The following PCDHGC3 variants were observed in gnomAD, a reference collection of about 807,000 sequenced individuals.
PCDHGC3 encodes protocadherin gamma subfamily C, 3.
A neutral mutation model predicts 59.2 loss-of-function variants in PCDHGC3; 26 were observed. That is an observed-to-expected ratio of 0.44 (90% CI 0.32 to 0.61). The LOEUF (loss-of-function observed/expected upper bound fraction) is 0.61, where lower values mean the gene tolerates loss of function less well. Ranked by LOEUF, PCDHGC3 falls within the 20% of genes least tolerant of loss-of-function variation. PCDHGC3 has a pLI of 0.05. For synonymous variants in PCDHGC3, 487 were observed against 519.7 expected (o/e 0.94, Z 0.86); for missense variants, 1,080 against 1,221.8 (o/e 0.88, Z 1.73).
At position 141,485,681 on chromosome 5, in the gene PCDHGC3, T is replaced by A; in HGVS notation, c.2430+7135T>A. The A allele has an allele frequency of 6.2e-7, 1 of 1,614,074 alleles. No homozygotes were observed. The highest frequency in any genetic ancestry group is 8.5e-7 in the Non-Finnish European group (1 of 1,179,966). ...TGTGGGGAGCAATTCGATTAGCAGC[T>A]ATAGGCTGAGCTCCAATGAACACTT... On this transcript the variant is annotated intron_variant, in intron 1 of 3. Transcript: ENST00000308177. The surrounding 1 kb of genome is among the most constrained non-coding windows in gnomAD (Gnocchi z 5.7).
chr5:141,494,914 A>G (rs906245656), intron 2 of PCDHGC3, 49 bp downstream of exon 2: 5 of 1,613,708 alleles, frequency 3.1e-6, no homozygotes, highest in Admixed American at 1.7e-5. Context: ...GCATTTTCTC[A>G]GGGATGACGT....
Position 141,476,140 on chromosome 5 carries a change from C to G in PCDHGC3, c.24C>G (p.Ser8Arg). The change falls in exon 1 of 4, where the codon AGC (serine) becomes AGG (arginine). Residue 8 changes from serine to arginine, a missense_variant. Coordinates refer to ENST00000308177, the MANE Select transcript of PCDHGC3 (RefSeq NM_002588.4). This position sits in a 1 kb window ranked among gnomAD's most constrained non-coding sequence, Gnocchi z 7.6. ...AGATGGTCCCAGAGGCCTGGAGGAGCGGACTGGTAAGCACCGGGAGGGTAG... is the reference window on the plus strand; with the variant it reads ...AGATGGTCCCAGAGGCCTGGAGGAGGGGACTGGTAAGCACCGGGAGGGTAG... Reference protein sequence around the residue: MVPEAWRSGLVSTGRVVG... With the variant: MVPEAWRRGLVSTGRVVG... The G allele has an allele frequency of 2.5e-6, 4 of 1,609,222 alleles. No individual in the cohort carries two copies. Among genetic ancestry groups the G allele is most frequent in the Non-Finnish European group, 1.7e-6 (2 of 1,178,484 alleles).
At chr5:141,502,082 G>A (rs538827992) in intron 2 of PCDHGC3, among the ~76,000 whole-genome samples, 1 of 152,252 alleles carries the variant, frequency 6.6e-6, no homozygotes, top group Non-Finnish European at 1.5e-5. Flanking sequence ...ACCTGGGGCT[G>A]AGAACACCTG....
At position 141,491,410 on chromosome 5, in the gene PCDHGC3, G is replaced by A. The variant is rs777207581; in HGVS notation, c.2431-3397G>A. The A allele has an allele frequency of 1.9e-6, 3 of 1,614,024 alleles. No homozygotes were observed. Among genetic ancestry groups the A allele is most frequent in the Admixed American group, 1.7e-5 (1 of 60,006 alleles). ...GTGCCTTCAGGGAAACGCAGACGGGGACGGGGGTGGAGGGCAGTGCTGCAG... is the reference window on the plus strand; with the variant it reads ...GTGCCTTCAGGGAAACGCAGACGGGAACGGGGGTGGAGGGCAGTGCTGCAG... On this transcript the variant is annotated intron_variant, in intron 1 of 3. Transcript: ENST00000308177. The surrounding 1 kb of genome is among the most constrained non-coding windows in gnomAD (Gnocchi z 6.9).
At chr5:141,494,648 T>G in intron 1 of PCDHGC3, 159 bp from the exon 2 acceptor site, 1 of 946,506 alleles carries the variant, frequency 1.1e-6, no homozygotes, top group Non-Finnish European at 1.3e-6. Flanking sequence ...ACCTGAGGTG[T>G]ATTTTGTCTT....
chr5:141,492,460 G>T (rs2099740851), intron 1 of PCDHGC3, among the ~76,000 whole-genome samples: 1 of 152,218 alleles, frequency 6.6e-6, no homozygotes, highest in African/African-American at 2.4e-5. Flanking sequence ...GCGCGCCTGA[G>T]GGTCCCAGAT....
At chr5:141,508,124 G>C (rs1248096612) in intron 3 of PCDHGC3, 1 of 152,640 alleles carries the variant, frequency 6.6e-6, no homozygotes, top group Non-Finnish European at 1.5e-5. Flanking sequence ...AGGACAGAGG[G>C]AGGTCAGGGA....
At position 141,476,752 on chromosome 5, in the gene PCDHGC3, A is replaced by C. The variant is rs771355583; in HGVS notation, c.636A>C (p.Leu212Phe). The C allele has an allele frequency of 6.2e-7, 1 of 1,613,926 alleles. No homozygotes were observed. The highest frequency in any genetic ancestry group is 1.1e-5 in the South Asian group (1 of 91,080). Reference sequence around the variant, plus strand: ...GAGAACGGGAGCCTAGTCTCCAGTTAGTGCTGACGGCGTTGGACGGAGGGA... The same window carrying C: ...GAGAACGGGAGCCTAGTCTCCAGTTCGTGCTGACGGCGTTGGACGGAGGGA... ...LDREREPSLQ[L>F]VLTALDGGTP... is the part of the protein sequence containing the mutation. Residue 212 changes from leucine to phenylalanine, a missense_variant, in exon 1 of 4, where the codon TTA becomes TTC. Physicochemically the swap from Leu to Phe is conservative, Grantham distance 22. Transcript: ENST00000308177. The surrounding 1 kb of genome is among the most constrained non-coding windows in gnomAD (Gnocchi z 7.6).
rs1562131721 is a variant in PCDHGC3, at chr5:141,489,636, C to CGAGA, written c.2431-5171_2431-5170insGAGA. 10 of 1,614,074 alleles carry CGAGA rather than the reference C, an allele frequency of 6.2e-6. No individual in the cohort carries two copies. The highest frequency in any genetic ancestry group is 2.7e-5 in the African/African-American group (2 of 74,930). On this transcript the variant is annotated intron_variant, in intron 1 of 3. Coordinates refer to ENST00000308177, the MANE Select transcript of PCDHGC3 (RefSeq NM_002588.4). This position sits in a 1 kb window ranked among gnomAD's most constrained non-coding sequence, Gnocchi z 4.5. ...TGGATCTCAATGACAACTCTCCTAG[C>CGAGA]TTTGCCACCCCTGAGCGAGAGATGC...
Position 141,489,169 on chromosome 5 carries a change from C to T in PCDHGC3, c.2431-5638C>T. On this transcript the variant is annotated intron_variant, in intron 1 of 3. Coordinates refer to ENST00000308177, the MANE Select transcript of PCDHGC3 (RefSeq NM_002588.4). This position sits in a 1 kb window ranked among gnomAD's most constrained non-coding sequence, Gnocchi z 4.5. ...GAGACATAAGAGACTTCAGCTGCTG[C>T]ATTCCAAGCCCTGGGTCTACCTTGG... 3 of 1,124,648 alleles carry T rather than the reference C, an allele frequency of 2.7e-6. No individual in the cohort carries two copies. The highest frequency in any genetic ancestry group is 3.8e-6 in the Non-Finnish European group (3 of 783,910). The allele number at this position is 1,124,648 out of a possible 1,614,324, so 69.7% of individuals were successfully genotyped here. A position where few individuals can be genotyped will look rare whatever the true frequency, so the allele number is the denominator to read the frequency against.
At chr5:141,495,697 A>G (rs1010733016) in intron 2 of PCDHGC3, among the ~76,000 whole-genome samples, 1 of 152,086 alleles carries the variant, frequency 6.6e-6, no homozygotes, top group Non-Finnish European at 1.5e-5. Flanking sequence ...AGTGCTCAAT[A>G]AATGTGGAGT....
chr5:141,476,190 C>T lies in PCDHGC3; in HGVS notation c.74C>T (p.Ala25Val). The change falls in exon 1 of 4, where the codon GCC becomes GTC. Residue 25 changes from alanine (A) to valine (V), a missense_variant. Physicochemically the swap from Ala to Val is moderately conservative, Grantham distance 64. Transcript: ENST00000308177. The surrounding 1 kb of genome is among the most constrained non-coding windows in gnomAD (Gnocchi z 7.6). ...GTGGGAGTTTTGCTTCTGCTTGGTG[C>T]CTTGAACAAGGCTTCCACGGTCATT... is the stretch of plus-strand genomic sequence containing the variant. Reference protein sequence around the residue: ...RVVGVLLLLGALNKASTVIHY... With the variant: ...RVVGVLLLLGVLNKASTVIHY... 3.1e-6 allele frequency: 5 copies of T among 1,613,694 alleles called. No individual in the cohort carries two copies. The highest frequency in any genetic ancestry group is 4.2e-6 in the Non-Finnish European group (5 of 1,179,988).
chr5:141,487,029 T>C lies in PCDHGC3; in HGVS notation c.2431-7778T>C. 1.2e-6 allele frequency: 2 copies of C among 1,614,226 alleles called. No individual in the cohort carries two copies. Among genetic ancestry groups the C allele is most frequent in the Non-Finnish European group, 1.7e-6 (2 of 1,180,040 alleles). ...CTGGAGGCCCCAGATCCCAGCCTGT[T>C]TGCAGTCTCTCGATATGCTGGGGAG... is the stretch of plus-strand genomic sequence containing the variant. On this transcript the variant is annotated intron_variant, in intron 1 of 3. Coordinates refer to ENST00000308177, the MANE Select transcript of PCDHGC3 (RefSeq NM_002588.4). The surrounding 1 kb of genome is among the most constrained non-coding windows in gnomAD (Gnocchi z 5.0).
At position 141,486,761 on chromosome 5, in the gene PCDHGC3, A is replaced by G. The variant is rs1368106682; in HGVS notation, c.2431-8046A>G. 1 of 1,614,114 alleles carries G rather than the reference A, an allele frequency of 6.2e-7. No homozygotes were observed. The highest frequency in any genetic ancestry group is 8.5e-7 in the Non-Finnish European group (1 of 1,180,056). ...ATCCTTTGACTATGAGCAAACCCAG[A>G]CACTGCAGTTTGAGGTGCAGGCCCG... On this transcript the variant is annotated intron_variant, in intron 1 of 3. Transcript: ENST00000308177. The surrounding 1 kb of genome is among the most constrained non-coding windows in gnomAD (Gnocchi z 5.0).
In PCDHGC3 at chr5:141,486,110, G is replaced by A. The variant is rs780031943; in HGVS notation, c.2430+7564G>A. 1.2e-6 allele frequency: 2 copies of A among 1,614,162 alleles called. No individual in the cohort carries two copies. Among genetic ancestry groups the A allele is most frequent in the South Asian group, 1.1e-5 (1 of 91,078 alleles). On this transcript the variant is annotated intron_variant, in intron 1 of 3. Transcript: ENST00000308177. This position sits in a 1 kb window ranked among gnomAD's most constrained non-coding sequence, Gnocchi z 5.0. ...TTTGGGGCCCCTAGACTTTGAGAGT[G>A]AGAATTACTATGAATTTGATGTGCG...
At chr5:141,498,826 A>G (rs1186868890) in intron 2 of PCDHGC3, among the ~76,000 whole-genome samples, 1 of 152,006 alleles carries the variant, frequency 6.6e-6, no homozygotes, top group African/African-American at 2.4e-5. Context: ...CCAGCTACTC[A>G]GGAGGCTGAG....
chr5:141,491,479 C>T lies in PCDHGC3; in HGVS notation c.2431-3328C>T. On this transcript the variant is annotated intron_variant, in intron 1 of 3. Transcript: ENST00000308177. The surrounding 1 kb of genome is among the most constrained non-coding windows in gnomAD (Gnocchi z 6.9). ...CCCGGACTTCTATAAGCAGTCCAGCCCCAACCTGCAGGTGAGCTCGGACGG... is the reference window on the plus strand; with the variant it reads ...CCCGGACTTCTATAAGCAGTCCAGCTCCAACCTGCAGGTGAGCTCGGACGG... 1 of 1,614,144 alleles carries T rather than the reference C, an allele frequency of 6.2e-7. No homozygotes were observed. Among genetic ancestry groups the T allele is most frequent in the Non-Finnish European group, 8.5e-7 (1 of 1,180,024 alleles).
intron 2 of PCDHGC3, among the ~76,000 whole-genome samples, chr5:141,498,889 C>T (rs1415870992): frequency 3.4e-5 from 5 of 146,174 alleles, no homozygotes; most frequent in African/African-American, 1.3e-4. Flanking sequence ...GCTGAGATCA[C>T]ACCACTGCAC....
At position 141,487,748 on chromosome 5, in the gene PCDHGC3, T is replaced by C. The variant is rs1458153935; in HGVS notation, c.2431-7059T>C. On this transcript the variant is annotated intron_variant, in intron 1 of 3. Coordinates refer to ENST00000308177, the MANE Select transcript of PCDHGC3 (RefSeq NM_002588.4). The surrounding 1 kb of genome is among the most constrained non-coding windows in gnomAD (Gnocchi z 5.0). ...TGTCACCATTTTTGTAAGAGGTAAC[T>C]ATGTGGTAGACGCTGTGCTTTGTAA... 1 of 1,557,436 alleles carries C rather than the reference T, an allele frequency of 6.4e-7. No individual in the cohort carries two copies. Among genetic ancestry groups the C allele is most frequent in the Non-Finnish European group, 8.7e-7 (1 of 1,149,514 alleles).
Sources: allele counts gnomAD v4.1 joint callset (sites outside exome capture counted in the v4.1 genomes callset), GRCh38; gene constraint gnomAD v4.1.1; non-coding constraint Gnocchi (gnomAD v3.1); transcripts MANE v1.5; gene names NCBI Gene and HGNC (gene_info 2026-07-23, HGNC 2026-07-21).